Variants in AMZ2 observed in about 807,000 individuals in gnomAD.
AMZ2 encodes the protein archaemetzincin-2.
In AMZ2, 26 loss-of-function variants were observed where a neutral mutation model predicts 36.7. That is an observed-to-expected ratio of 0.71 (90% CI 0.52 to 0.98). The LOEUF (loss-of-function observed/expected upper bound fraction) is 0.98. AMZ2 is among the 50% of genes least tolerant of loss of function. The pLI, the probability that AMZ2 is intolerant of heterozygous loss-of-function variation, is 0.00. For missense variants in AMZ2, 394 were observed against 430.5 expected (o/e 0.92, Z 0.75); for synonymous variants, 144 against 149.1 (o/e 0.97, Z 0.25).
In AMZ2 at chr17:68,210,563, C is replaced by T. The variant is rs148880107; in HGVS notation, c.-67+4325C>T. On this transcript the variant is annotated intron_variant, in intron 1 of 7. Coordinates refer to the AMZ2 transcript ENST00000674770. ...ATGGGGAGTTAGTGCTTAATAGGTA[C>T]GAGTTTCCATTTGGGAAGATGAAAA... 3.3e-5 allele frequency among the ~76,000 whole-genome samples: 5 copies of T among 152,188 alleles called. No homozygotes were observed. The South Asian group carries it at 8.3e-4, about 25-fold the overall frequency.
At chr17:68,234,883 C>T (rs1332191722) in intron 1 of AMZ2, among the ~76,000 whole-genome samples, 1 of 151,936 alleles carries the variant, frequency 6.6e-6, no homozygotes, top group Non-Finnish European at 1.5e-5. Flanking sequence ...GGCATTGCGG[C>T]GGGTGCCTGT....
intron 1 of AMZ2, among the ~76,000 whole-genome samples, chr17:68,211,730 G>GTA (rs199606528): frequency 0.032 from 3,593 of 111,910 alleles, 88 homozygotes; most frequent in African/African-American, 0.057. Context: ...ATATGTATAT[G>GTA]TATATATGTG....
chr17:68,213,656 G>A (rs115517625), intron 1 of AMZ2, among the ~76,000 whole-genome samples: 1,947 of 152,316 alleles, frequency 0.013, 38 homozygotes, highest in African/African-American at 0.044. Context: ...TTTGGTGGGC[G>A]TTTTCAATCT....
Position 68,251,176 on chromosome 17 carries a change from A to G in AMZ2, c.584A>G (p.Asp195Gly). 6.2e-7 allele frequency: 1 copy of G among 1,608,490 alleles called. No homozygotes were observed. Among genetic ancestry groups the G allele is most frequent in the Non-Finnish European group, 8.5e-7 (1 of 1,178,716 alleles). The change falls in exon 4 of 7, where the codon GAT becomes GGT. Residue 195 changes from aspartate to glycine, a missense_variant and splice_region_variant. Physicochemically the swap from Asp to Gly is moderately conservative, Grantham distance 94. Transcript: ENST00000359904. Reference protein sequence around the residue: ...NFVFGQASLTDGVGIFSFARY... With the variant: ...NFVFGQASLTGGVGIFSFARY... ...GTCTTTGGACAGGCCTCTTTGACAG[A>G]TGGTATTCCGTTTTTGGCATTGTTG... is the stretch of plus-strand genomic sequence containing the variant.
chr17:68,248,054 A>ACG lies in AMZ2; in HGVS notation c.-649_-648dup. ...GCGTGGCGTGGCGCAGTGCGAAGGG[A>ACG]CGCGGTGCGCATGCGCGTGAGGGCT... On this transcript the variant is annotated 5_prime_UTR_variant, in exon 1 of 7. Coordinates refer to ENST00000359904, the MANE Select transcript of AMZ2 (RefSeq NM_016627.5). 2.0e-6 allele frequency: 2 copies of ACG among 986,178 alleles called. No individual in the cohort carries two copies. Among genetic ancestry groups the ACG allele is most frequent in the Non-Finnish European group, 2.4e-6 (2 of 830,618 alleles). The allele number at this position is 986,178 out of a possible 1,614,324, so 61.1% of individuals were successfully genotyped here. A position where few individuals can be genotyped will look rare whatever the true frequency, so the allele number is the denominator to read the frequency against.
At chr17:68,209,585 T>G (rs868923464) in intron 1 of AMZ2, among the ~76,000 whole-genome samples, 15 of 107,148 alleles carry the variant, frequency 1.4e-4, no homozygotes, top group Admixed American at 3.7e-4. Context: ...ATTGTGGGTG[T>G]GTGTGTGTGT....
At chr17:68,229,887 A>G (rs549764388) in intron 1 of AMZ2, among the ~76,000 whole-genome samples, 4 of 152,268 alleles carry the variant, frequency 2.6e-5, no homozygotes, top group African/African-American at 7.2e-5. Flanking sequence ...GTTCTCCTCC[A>G]TATAGTCTCA....
intron 1 of AMZ2, among the ~76,000 whole-genome samples, chr17:68,209,581 GGTGTGTGT>G (rs71142139): frequency 2.7e-4 from 29 of 106,934 alleles, no homozygotes; most frequent in Non-Finnish European, 4.0e-4. Flanking sequence ...AATAATTGTG[GGTGTGTGT>G]GTGTGTGTGT....
chr17:68,209,632 A>ATATATATATATATGTATATATATTTTTT, intron 1 of AMZ2, among the ~76,000 whole-genome samples: 1 of 90,700 alleles, frequency 1.1e-5, no homozygotes, highest in Non-Finnish European at 2.0e-5. Context: ...ATATATATAT[A>ATATATATATATATGTATATATATTTTTT]TTTTTTTTTT....
upstream of AMZ2, chr17:68,247,670 G>A (rs1449566298): frequency 6.1e-6 from 6 of 985,402 alleles, no homozygotes; most frequent in Non-Finnish European, 7.2e-6. Flanking sequence ...GGGCCACGCT[G>A]GTTGCATTCG....
In AMZ2 at chr17:68,256,639, G is replaced by T. The variant is rs565093933; in HGVS notation, c.928-175G>T. Among the ~76,000 whole-genome samples the T allele has an allele frequency of 2.6e-5, 4 of 152,262 alleles. No homozygotes were observed. The South Asian group carries it at 6.2e-4, about 24-fold the overall frequency. On this transcript the variant is annotated intron_variant, in intron 6 of 6. Coordinates refer to ENST00000359904, the MANE Select transcript of AMZ2 (RefSeq NM_016627.5). Reference sequence around the variant, plus strand: ...TTGTAATTCTGTGTGTATTTGGTACGTGCCATTTCACTCAGTATATCATTA... The same window carrying T: ...TTGTAATTCTGTGTGTATTTGGTACTTGCCATTTCACTCAGTATATCATTA...
At chr17:68,233,850 T>C (rs1178625154) in intron 1 of AMZ2, among the ~76,000 whole-genome samples, 9 of 151,556 alleles carry the variant, frequency 5.9e-5, no homozygotes, top group African/African-American at 1.7e-4. Flanking sequence ...GCCTCCTGAG[T>C]AGCTAGGACC....
intron 1 of AMZ2, among the ~76,000 whole-genome samples, chr17:68,226,780 C>T (rs2073526557): frequency 6.6e-6 from 1 of 152,080 alleles, no homozygotes; most frequent in Non-Finnish European, 1.5e-5. Context: ...TTTCACATTT[C>T]AGCTGCCTAA....
Position 68,248,051 on chromosome 17 carries a change from G to A in AMZ2, c.-655G>A. 1 of 986,406 alleles carries A rather than the reference G, an allele frequency of 1.0e-6. No homozygotes were observed. The highest frequency in any genetic ancestry group is 1.2e-6 in the Non-Finnish European group (1 of 830,684). 61.1% of individuals were successfully genotyped at this position (986,406 alleles called of 1,614,324 possible). ...TGGGCGTGGCGTGGCGCAGTGCGAAGGGACGCGGTGCGCATGCGCGTGAGG... is the reference window on the plus strand; with the variant it reads ...TGGGCGTGGCGTGGCGCAGTGCGAAAGGACGCGGTGCGCATGCGCGTGAGG... On this transcript the variant is annotated 5_prime_UTR_variant, in exon 1 of 7. Coordinates refer to ENST00000359904, the MANE Select transcript of AMZ2 (RefSeq NM_016627.5).
rs550581088 is a variant in AMZ2, at chr17:68,221,214, C to G, written c.-67+14976C>G. On this transcript the variant is annotated intron_variant, in intron 1 of 7. Transcript: ENST00000674770. ...TTCCTGCCTCAGCCCTCAGCTCCCC[C>G]CCCCGCCCCCCCGGTAGCTAGGACC... Among the ~76,000 whole-genome samples the G allele has an allele frequency of 1.2e-3, 104 of 83,560 alleles. 2 individuals are homozygous for G. The highest frequency in any genetic ancestry group is 5.8e-3 in the East Asian group (10 of 1,730). The allele number at this position is 83,560 out of a possible 152,430, so 54.8% of individuals were successfully genotyped here.
chr17:68,214,414 G>A (rs1324903723), intron 1 of AMZ2, among the ~76,000 whole-genome samples: 22 of 152,158 alleles, frequency 1.4e-4, no homozygotes, highest in Admixed American at 1.4e-3. Flanking sequence ...TTCATTTATT[G>A]TGCACACAGC....
At chr17:68,254,377 C>T (rs781999117) in intron 4 of AMZ2, 27 bp from the exon 5 acceptor site, 2 of 1,595,136 alleles carry the variant, frequency 1.3e-6, no homozygotes, top group African/African-American at 1.4e-5. Flanking sequence ...TACTCTCATT[C>T]TGTCACTGTT....
At chr17:68,251,975 A>G (rs1320123481) in intron 4 of AMZ2, among the ~76,000 whole-genome samples, 4 of 151,998 alleles carry the variant, frequency 2.6e-5, no homozygotes, top group African/African-American at 9.7e-5. Context: ...CTGTATGGTA[A>G]TATTAGGGAT....
chr17:68,210,774 C>A (rs749665167), intron 1 of AMZ2, among the ~76,000 whole-genome samples: 41 of 151,914 alleles, frequency 2.7e-4, no homozygotes, highest in Non-Finnish European at 5.3e-4. Context: ...ATAGAGAAAT[C>A]CTGTCTCTAC....
Sources: gnomAD v4.1 joint callset for allele counts (sites outside exome capture counted in the v4.1 genomes callset) on GRCh38, gnomAD v4.1.1 for gene constraint, MANE v1.5 for transcripts, NCBI Gene and HGNC (gene_info 2026-07-23, HGNC 2026-07-21) for gene names.